MYO6: variants seen among roughly 807,000 people sequenced by gnomAD.
MYO6 encodes unconventional myosin-VI.
A neutral mutation model predicts 178.7 loss-of-function variants in MYO6; 74 were observed. That is an observed-to-expected ratio of 0.41 (90% CI 0.34 to 0.50). The LOEUF is 0.50. Ranked by LOEUF, MYO6 falls within the 20% of genes least tolerant of loss-of-function variation. The pLI is 0.09. For missense variants in MYO6, 1,330 were observed against 1,547.4 expected (o/e 0.86, Z 2.36); for synonymous variants, 477 against 504.6 (o/e 0.95, Z 0.73).
chr6:75,878,078 AATG>A (rs1288145265), intron 20 of MYO6, among the ~76,000 whole-genome samples: 1 of 152,186 alleles, frequency 6.6e-6, no homozygotes, highest in Non-Finnish European at 1.5e-5. Flanking sequence ...TCCCCATACG[AATG>A]ATTTCTTTAA....
At chr6:75,761,604 C>CAA (rs1777953529) in intron 1 of MYO6, among the ~76,000 whole-genome samples, 1 of 151,214 alleles carries the variant, frequency 6.6e-6, no homozygotes, top group Admixed American at 6.6e-5. Context: ...CACACACACA[C>CAA]ACACACACAC....
At chr6:75,840,756 A>G (rs1774142392) in intron 8 of MYO6, 74 bp downstream of exon 8, 3 of 1,078,458 alleles carry the variant, frequency 2.8e-6, no homozygotes, top group Non-Finnish European at 4.2e-6. Context: ...TTGGTGCTGT[A>G]TTTGCACTTA....
intron 25 of MYO6, among the ~76,000 whole-genome samples, chr6:75,888,625 G>A (rs976799564): frequency 2.0e-5 from 3 of 151,392 alleles, no homozygotes; most frequent in Admixed American, 2.0e-4. Context: ...AAAAAAATTG[G>A]AGAAACCACC....
At chr6:75,761,622 CACACAG>C (rs958384016) in intron 1 of MYO6, among the ~76,000 whole-genome samples, 2 of 151,728 alleles carry the variant, frequency 1.3e-5, no homozygotes, top group African/African-American at 4.8e-5. Flanking sequence ...CACACACACA[CACACAG>C]ACACATTTTT....
chr6:75,777,634 G>C (rs986478272), intron 1 of MYO6, among the ~76,000 whole-genome samples: 1 of 151,482 alleles, frequency 6.6e-6, no homozygotes, highest in African/African-American at 2.4e-5. Context: ...ACAAGGTTTC[G>C]CTGTGTTGCC....
At chr6:75,832,788 A>C (rs1260673962) in intron 5 of MYO6, 54 bp from the exon 6 acceptor site, 2 of 1,094,082 alleles carry the variant, frequency 1.8e-6, no homozygotes, top group Non-Finnish European at 2.8e-6. Context: ...ACTTTCTATT[A>C]TTAACTTTAT....
chr6:75,907,792 G>T, intron 31 of MYO6, 84 bp downstream of exon 31: 1 of 898,500 alleles, frequency 1.1e-6, no homozygotes, highest in South Asian at 1.4e-5. Flanking sequence ...GTGTGTGTGT[G>T]TATGTGTGTG....
At chr6:75,877,684 G>A (rs1777672580) in intron 20 of MYO6, among the ~76,000 whole-genome samples, 1 of 151,794 alleles carries the variant, frequency 6.6e-6, no homozygotes, top group Non-Finnish European at 1.5e-5. Flanking sequence ...GCAAAGAGGG[G>A]TGCCAGCTCT....
At chr6:75,787,023 G>A (rs181527549) in intron 1 of MYO6, among the ~76,000 whole-genome samples, 3 of 152,260 alleles carry the variant, frequency 2.0e-5, no homozygotes, top group East Asian at 1.9e-4. Context: ...TTAGTCTCAC[G>A]TCATCTGGAA....
intron 11 of MYO6, among the ~76,000 whole-genome samples, chr6:75,851,921 G>T (rs571643238): frequency 1.3e-5 from 2 of 152,086 alleles, no homozygotes; most frequent in Non-Finnish European, 2.9e-5. Flanking sequence ...CTGTCATAAA[G>T]AAGTTTTTGC....
At chr6:75,879,679 T>A in intron 20 of MYO6, 141 bp from the exon 21 acceptor site, 1 of 1,150,084 alleles carries the variant, frequency 8.7e-7, no homozygotes, top group South Asian at 1.3e-5. Flanking sequence ...GCATAAATAT[T>A]TTCCTATATA....
intron 4 of MYO6, 47 bp downstream of exon 4, chr6:75,828,660 C>A: frequency 1.8e-6 from 2 of 1,139,326 alleles, no homozygotes; most frequent in Non-Finnish European, 2.7e-6. Context: ...ATAATTATTT[C>A]ATGTGGTACT....
intron 19 of MYO6, 74 bp downstream of exon 19, chr6:75,870,759 A>G (rs997227981): frequency 5.0e-6 from 6 of 1,205,150 alleles, no homozygotes; most frequent in East Asian, 4.7e-5. Flanking sequence ...GCAAGTAGGC[A>G]TAGTAACCCT....
At position 75,919,125 on chromosome 6, in the gene MYO6, AT is replaced by A. The variant is rs200853634; in HGVS notation, c.*4114del. ...CAAGAGCGAAATTCCATCTCAAAAA[AT>A]AAAATAGATTTAGGGGGTACAAGTG... On this transcript the variant is annotated 3_prime_UTR_variant, in exon 35 of 35. Transcript: ENST00000369977. The A allele has an allele frequency of 3.4e-4, 51 of 151,932 alleles. No individual in the cohort carries two copies. Among genetic ancestry groups the A allele is most frequent in the African/African-American group, 5.1e-4 (21 of 41,460 alleles). The allele number at this position is 151,932 out of a possible 1,614,324, so 9.4% of individuals were successfully genotyped here.
chr6:75,835,904 C>A lies in MYO6; in HGVS notation c.501C>A (p.Tyr167Ter). ...TTTTATCCTATATTTTAAACAGATA[C>A]CTGACTGAATCCTATGGAACAGGTC... ...KTENTKFVLR[Y>*]LTESYGTGQD... is the part of the protein sequence containing the mutation. Residue 167 changes from tyrosine (Y) to a stop codon, truncating the protein, a stop_gained, in exon 7 of 35, where the codon TAC becomes TAA. Transcript: ENST00000369977. LOFTEE classifies it high-confidence loss of function. 1.3e-6 allele frequency: 2 copies of A among 1,588,250 alleles called. No individual in the cohort carries two copies. Among genetic ancestry groups the A allele is most frequent in the Non-Finnish European group, 1.7e-6 (2 of 1,156,610 alleles).
At chr6:75,898,044 A>G (rs1022704351) in intron 29 of MYO6, among the ~76,000 whole-genome samples, 1 of 152,216 alleles carries the variant, frequency 6.6e-6, no homozygotes, top group Non-Finnish European at 1.5e-5. Flanking sequence ...TATCTTGCCA[A>G]GTTTCCTGTA....
At chr6:75,787,722 CTCTCTCTCTATATA>C (rs1317249258) in intron 1 of MYO6, among the ~76,000 whole-genome samples, 232 of 29,006 alleles carry the variant, frequency 8.0e-3, no homozygotes, top group Non-Finnish European at 0.01. Flanking sequence ...CTCTCTCTCT[CTCTCTCTCTATATA>C]TATATATATA....
At chr6:75,903,785 G>T (rs1041907639) in intron 30 of MYO6, among the ~76,000 whole-genome samples, 5 of 151,778 alleles carry the variant, frequency 3.3e-5, no homozygotes, top group Non-Finnish European at 7.4e-5. Context: ...GTTAGCTGGT[G>T]ATTTTGCTAG....
At chr6:75,839,381 G>C (rs1185709281) in intron 7 of MYO6, among the ~76,000 whole-genome samples, 1 of 151,862 alleles carries the variant, frequency 6.6e-6, no homozygotes, top group Non-Finnish European at 1.5e-5. Flanking sequence ...GTAGAGACGG[G>C]GTTTCAACGT....
Sources: gnomAD v4.1 joint callset for allele counts (sites outside exome capture counted in the v4.1 genomes callset) on GRCh38, gnomAD v4.1.1 for gene constraint, MANE v1.5 for transcripts, NCBI Gene and HGNC (gene_info 2026-07-23, HGNC 2026-07-21) for gene names.